BCL2: variants seen among roughly 807,000 people sequenced by gnomAD.
BCL2 encodes apoptosis regulator Bcl-2.
Under a neutral mutation model 14.2 loss-of-function variants are expected in BCL2, and 1 was observed. That is an observed-to-expected ratio of 0.07 (90% CI 0.02 to 0.33). BCL2 has a LOEUF of 0.33. Ranked by LOEUF, BCL2 falls within the 10% of genes least tolerant of loss-of-function variation. The pLI is 0.99. For missense variants in BCL2, 247 were observed against 305.9 expected (o/e 0.81, Z 1.44); for synonymous variants, 151 against 137.2 (o/e 1.10, Z -0.70).
At position 63,149,720 on chromosome 18, in the gene BCL2, A is replaced by T. The variant is rs1481425144; in HGVS notation, c.586-20961T>A. Among the ~76,000 whole-genome samples, 1 of 152,224 alleles carries T rather than the reference A, an allele frequency of 6.6e-6. No homozygotes were observed. The highest frequency in any genetic ancestry group is 1.5e-5 in the Non-Finnish European group (1 of 68,042). On this transcript the variant is annotated intron_variant, in intron 2 of 2. Coordinates refer to ENST00000333681, the MANE Select transcript of BCL2 (RefSeq NM_000633.3). The surrounding 1 kb of genome is among the most constrained non-coding windows in gnomAD (Gnocchi z 4.2). ...TGACAGTGACCGGCAGATGATTAAC[A>T]GTGAAGAAGAGAGGAGATGTCACTA...
chr18:63,215,534 G>A (rs1359965460), intron 2 of BCL2, among the ~76,000 whole-genome samples: 1 of 152,190 alleles, frequency 6.6e-6, no homozygotes, highest in East Asian at 1.9e-4. Context: ...ACATATATTT[G>A]TGACTACAAA....
chr18:63,215,303 T>C (rs1489583014), intron 2 of BCL2, among the ~76,000 whole-genome samples: 2 of 152,364 alleles, frequency 1.3e-5, no homozygotes, highest in African/African-American at 4.8e-5. Context: ...TATTCTTTTC[T>C]TAATCAAGTC....
chr18:63,206,705 A>G (rs1307013872), intron 2 of BCL2, among the ~76,000 whole-genome samples: 3 of 152,168 alleles, frequency 2.0e-5, no homozygotes, highest in Admixed American at 6.5e-5. Flanking sequence ...TGGAGACATC[A>G]TCTCTGTCAC....
chr18:63,232,001 TAGAG>T (rs1910701879), intron 2 of BCL2, among the ~76,000 whole-genome samples: 1 of 151,454 alleles, frequency 6.6e-6, no homozygotes, highest in South Asian at 2.1e-4. Context: ...ACTAACGCAA[TAGAG>T]AGAGCCCCAC....
intron 2 of BCL2, among the ~76,000 whole-genome samples, chr18:63,305,537 A>G (rs1282786025): frequency 1.3e-5 from 2 of 152,210 alleles, no homozygotes; most frequent in Non-Finnish European, 2.9e-5. Context: ...GTGAAGATCA[A>G]ATGGGCCAAC....
chr18:63,286,830 T>C (rs4987721), intron 2 of BCL2, among the ~76,000 whole-genome samples: 35,841 of 151,912 alleles, frequency 0.24, 4,566 homozygotes, highest in African/African-American at 0.3. Context: ...CCCCACATGA[T>C]GATTGCATGG....
At chr18:63,235,454 G>T (rs530323404) in intron 2 of BCL2, among the ~76,000 whole-genome samples, 3 of 152,124 alleles carry the variant, frequency 2.0e-5, no homozygotes, top group Non-Finnish European at 4.4e-5. Flanking sequence ...AAAATGTATA[G>T]AGGTCCATGT....
chr18:63,259,358 T>A (rs905511038), intron 2 of BCL2, among the ~76,000 whole-genome samples: 2 of 152,210 alleles, frequency 1.3e-5, no homozygotes, highest in Non-Finnish European at 1.5e-5. Context: ...GCAGTTTGCA[T>A]GCACGCAGGG....
rs1299676060 is a variant in BCL2, at chr18:63,149,705, C to T, written c.586-20946G>A. 6.6e-6 allele frequency among the ~76,000 whole-genome samples: 1 copy of T among 152,024 alleles called. No homozygotes were observed. Among genetic ancestry groups the T allele is most frequent in the East Asian group, 1.9e-4 (1 of 5,192 alleles). On this transcript the variant is annotated intron_variant, in intron 2 of 2. Transcript: ENST00000333681. This position sits in a 1 kb window ranked among gnomAD's most constrained non-coding sequence, Gnocchi z 4.2. ...AAAATAACACTGTTATGACAGTGAC[C>T]GGCAGATGATTAACAGTGAAGAAGA... is the stretch of plus-strand genomic sequence containing the variant.
At chr18:63,192,773 T>C (rs1224619294) in intron 2 of BCL2, among the ~76,000 whole-genome samples, 1 of 152,164 alleles carries the variant, frequency 6.6e-6, no homozygotes, top group Non-Finnish European at 1.5e-5. Context: ...TAATACAGCT[T>C]CTCACTCCTC....
At chr18:63,223,998 A>G (rs1053216456) in intron 2 of BCL2, among the ~76,000 whole-genome samples, 1 of 152,232 alleles carries the variant, frequency 6.6e-6, no homozygotes, top group Non-Finnish European at 1.5e-5. Flanking sequence ...CTGAAAAGAA[A>G]AAAAAATGCA....
chr18:63,260,209 T>C (rs992810029), intron 2 of BCL2, among the ~76,000 whole-genome samples: 1 of 152,168 alleles, frequency 6.6e-6, no homozygotes, highest in African/African-American at 2.4e-5. Flanking sequence ...CTACAATGCA[T>C]AAGCATGAAA....
At chr18:63,317,031 G>C (rs1046857265) in intron 2 of BCL2, 1 of 151,916 alleles carries the variant, frequency 6.6e-6, no homozygotes, top group East Asian at 1.9e-4. Context: ...TGACTCTTAG[G>C]AACTAAACCC....
At chr18:63,202,470 A>G (rs1909721589) in intron 2 of BCL2, among the ~76,000 whole-genome samples, 1 of 152,150 alleles carries the variant, frequency 6.6e-6, no homozygotes, top group African/African-American at 2.4e-5. Context: ...TCATTCCTAA[A>G]ATGGTGAGGC....
At chr18:63,277,803 A>G (rs1912199351) in intron 2 of BCL2, among the ~76,000 whole-genome samples, 1 of 152,162 alleles carries the variant, frequency 6.6e-6, no homozygotes, top group Admixed American at 6.5e-5. Context: ...AAAATGGCCA[A>G]TGAAAAGGAG....
At chr18:63,259,321 G>A (rs1911584440) in intron 2 of BCL2, among the ~76,000 whole-genome samples, 2 of 152,254 alleles carry the variant, frequency 1.3e-5, no homozygotes, top group South Asian at 4.1e-4. Flanking sequence ...ATGGCCCCGA[G>A]AGAAAAGCAG....
intron 2 of BCL2, among the ~76,000 whole-genome samples, chr18:63,129,806 G>A (rs1446371891): frequency 1.3e-5 from 2 of 152,136 alleles, no homozygotes; most frequent in Non-Finnish European, 2.9e-5. Flanking sequence ...GGCCAAGGGC[G>A]GCCTTGACTG....
intron 2 of BCL2, among the ~76,000 whole-genome samples, chr18:63,168,917 CA>C (rs1434584934): frequency 4.6e-5 from 7 of 152,214 alleles, no homozygotes; most frequent in African/African-American, 1.7e-4. Context: ...AGCAACAACC[CA>C]AGTCCTCAGG....
In BCL2 at chr18:63,124,182, T is replaced by C. The variant is rs1167301565; in HGVS notation, c.*4443A>G. The C allele has an allele frequency of 4.5e-6, 1 of 222,806 alleles. No homozygotes were observed. The highest frequency in any genetic ancestry group is 9.0e-6 in the Non-Finnish European group (1 of 111,512). The allele number at this position is 222,806 out of a possible 1,614,324, so 13.8% of individuals were successfully genotyped here. The stretch of plus-strand genomic sequence containing the variant: ...GATTCACTGGGTAAGACTAAAGGAC[T>C]TGTATTATCACTCTCCAATTCAGTT... On this transcript the variant is annotated 3_prime_UTR_variant, in exon 3 of 3. Transcript: ENST00000333681.
Sources: gnomAD v4.1 joint callset for allele counts (sites outside exome capture counted in the v4.1 genomes callset) on GRCh38, gnomAD v4.1.1 for gene constraint, Gnocchi (gnomAD v3.1) non-coding constraint, MANE v1.5 for transcripts, NCBI Gene and HGNC (gene_info 2026-07-23, HGNC 2026-07-21) for gene names.